B4GALNT2: variants seen among roughly 807,000 people sequenced by gnomAD.
The protein encoded by B4GALNT2 is beta-1,4-N-acetyl-galactosaminyltransferase 2 (SID blood group), also known as N-acetylneuraminylgalactosylglucosyl-glucoside beta-1,4-N- acetylgalactosaminyltransferase 2.
B4GALNT2 carries 42 observed loss-of-function variants against 51.1 expected under a neutral mutation model. The observed-to-expected ratio is 0.82, with a 90% confidence interval of 0.64 to 1.06. B4GALNT2 has a LOEUF of 1.06. Among genes scored for constraint, B4GALNT2 ranks in the 50% least tolerant of loss-of-function variants. B4GALNT2 has a pLI of 0.00. For missense variants in B4GALNT2, 602 were observed against 633.6 expected, an observed-to-expected ratio of 0.95 and a Z score of 0.54; for synonymous variants, 253 against 251.7, an observed-to-expected ratio of 1.01 and a Z score of -0.05.
chr17:49,122,117 T>A, the B4GALNT2 span, among the ~76,000 whole-genome samples: 65 of 152,186 alleles, frequency 4.3e-4, no homozygotes, highest in Non-Finnish European at 8.2e-4. Flanking sequence ...AGGGCTGGCA[T>A]GTCTCTGGTC....
chr17:49,125,939 A>G, the B4GALNT2 span, among the ~76,000 whole-genome samples: 8 of 128,546 alleles, frequency 6.2e-5, no homozygotes, highest in African/African-American at 9.0e-5. Flanking sequence ...CCTCTGCCCG[A>G]CCGCCCCTAC....
At chr17:49,158,856 C>T (rs768035640) in intron 5 of B4GALNT2, among the ~76,000 whole-genome samples, 181 bp from the exon 6 acceptor site, 83 of 151,900 alleles carry the variant, frequency 5.5e-4, no homozygotes, top group African/African-American at 1.7e-3. Context: ...GGATTGGGGG[C>T]GGGGGCGCTA....
rs200883233 is a variant in B4GALNT2, at chr17:49,141,241, C to A, written c.15-6C>A. On this transcript the variant is annotated splice_region_variant and splice_polypyrimidine_tract_variant and intron_variant, in intron 1 of 10. Coordinates refer to ENST00000393354, the MANE Select transcript of B4GALNT2 (RefSeq NM_001159387.2). Reference sequence around the variant, plus strand: ...TAACATAATCTGTTCTTTTGTGTCCCAACAGCTCGAGATTTCTGTGGCTCC... The same window carrying A: ...TAACATAATCTGTTCTTTTGTGTCCAAACAGCTCGAGATTTCTGTGGCTCC... 3.8e-4 allele frequency: 620 copies of A among 1,612,530 alleles called. 2 individuals carry two copies. The highest frequency in any genetic ancestry group is 5.1e-4 in the Non-Finnish European group (598 of 1,178,654).
At chr17:49,168,275 G>A (rs572163782) in intron 9 of B4GALNT2, among the ~76,000 whole-genome samples, 1 of 152,130 alleles carries the variant, frequency 6.6e-6, no homozygotes, top group Admixed American at 6.5e-5. Flanking sequence ...AAGACAGCTC[G>A]AGACAAACAG....
rs1480644517 is a variant in B4GALNT2 at position 49,142,194 on chromosome 17, C to G, written c.353+22C>G. On this transcript the variant is annotated intron_variant, in intron 3 of 10. Transcript: ENST00000393354. Reference sequence around the variant, plus strand: ...GGAGGTAATGCGGGTCATGAAGGCCCTTGGGTTCTGAGATGGAACAAAAGC... The same window carrying G: ...GGAGGTAATGCGGGTCATGAAGGCCGTTGGGTTCTGAGATGGAACAAAAGC... The G allele has an allele frequency of 1.1e-5, 18 of 1,613,556 alleles. No homozygotes were observed. In the Admixed American group the frequency reaches 2.8e-4, roughly 25 times the overall value.
chr17:49,152,566 C>A (rs921706930), intron 3 of B4GALNT2, among the ~76,000 whole-genome samples: 3 of 152,210 alleles, frequency 2.0e-5, no homozygotes, highest in African/African-American at 7.2e-5. Flanking sequence ...ATCCCAGCTA[C>A]TAGGTAGGCT....
intron 4 of B4GALNT2, among the ~76,000 whole-genome samples, chr17:49,153,517 T>A (rs542123083): frequency 1.3e-5 from 2 of 152,016 alleles, no homozygotes; most frequent in South Asian, 4.2e-4. Flanking sequence ...ATTTTTTTTT[T>A]TTTTATTGCG....
At chr17:49,162,932 A>AAG (rs2042878046) in intron 7 of B4GALNT2, among the ~76,000 whole-genome samples, 1 of 151,026 alleles carries the variant, frequency 6.6e-6, no homozygotes, top group African/African-American at 2.4e-5. Flanking sequence ...AAAAAAAAAA[A>AAG]AAAGGGCAAG....
chr17:49,150,072 G>A (rs867224961), intron 3 of B4GALNT2, among the ~76,000 whole-genome samples: 14 of 152,278 alleles, frequency 9.2e-5, no homozygotes, highest in South Asian at 2.1e-4. Context: ...TGGAGGTCGG[G>A]GGGGGTCAGC....
In B4GALNT2 at chr17:49,172,748, G is replaced by A. The variant is rs575698201; in HGVS notation, c.*3020G>A. 1.3e-5 allele frequency: 2 copies of A among 152,096 alleles called. No individual in the cohort carries two copies. Among genetic ancestry groups the A allele is most frequent in the East Asian group, 1.9e-4 (1 of 5,178 alleles). The allele number at this position is 152,096 out of a possible 1,614,324, so 9.4% of individuals were successfully genotyped here. A position where few individuals can be genotyped will look rare whatever the true frequency, so the allele number is the denominator to read the frequency against. On this transcript the variant is annotated 3_prime_UTR_variant, in exon 11 of 11. Coordinates refer to ENST00000393354, the MANE Select transcript of B4GALNT2 (RefSeq NM_001159387.2). ...AATAGAAGCTGGAATGCCCATCACC[G>A]CAAAACACTGCAAAAGGTGACGTTT... is the stretch of plus-strand genomic sequence containing the variant.
chr17:49,142,841 A>AT (rs1459644177), intron 3 of B4GALNT2, among the ~76,000 whole-genome samples: 1 of 152,184 alleles, frequency 6.6e-6, no homozygotes, highest in Non-Finnish European at 1.5e-5. Flanking sequence ...TATTTTATTC[A>AT]TTTATATGTT....
In B4GALNT2 at chr17:49,164,227, G is replaced by A. The variant is rs762920348; in HGVS notation, c.906G>A (p.Leu302=). 12 of 1,613,514 alleles carry A rather than the reference G, an allele frequency of 7.4e-6. No homozygotes were observed. The South Asian group carries it at 1.3e-4, about 18-fold the overall frequency. Residue 302 remains leucine, a synonymous_variant, in exon 8 of 11, where the codon CTG becomes CTA. Coordinates refer to ENST00000393354, the MANE Select transcript of B4GALNT2 (RefSeq NM_001159387.2). ...TGGCTGATGACAGCCAGAAGCCCCT[G>A]GAAATTAAAGACAATCACGTGGAGT... ...VIVADDSQKP[L]EIKDNHVEYY... is the part of the protein sequence containing the mutation.
chr17:49,135,838 C>A (rs1228019493), intron 1 of B4GALNT2, among the ~76,000 whole-genome samples: 1 of 151,292 alleles, frequency 6.6e-6, no homozygotes, highest in Admixed American at 6.6e-5. Context: ...CCGAGGCGGG[C>A]GGATCACGAG....
chr17:49,153,650 G>T (rs979385154), intron 4 of B4GALNT2, among the ~76,000 whole-genome samples: 23 of 151,812 alleles, frequency 1.5e-4, no homozygotes, highest in African/African-American at 5.6e-4. Flanking sequence ...GAGATGACAG[G>T]CATCTGCCAC....
intron 1 of B4GALNT2, among the ~76,000 whole-genome samples, chr17:49,136,609 C>T (rs1323113544): frequency 1.3e-5 from 2 of 151,774 alleles, no homozygotes; most frequent in Admixed American, 6.6e-5. Context: ...CACAGTGGCG[C>T]GATCTCAGCC....
chr17:49,122,069 C>T, the B4GALNT2 span, among the ~76,000 whole-genome samples: 11 of 151,996 alleles, frequency 7.2e-5, no homozygotes, highest in African/African-American at 2.2e-4. Context: ...AAATTTATTG[C>T]GGGTTGGAGT....
At position 49,140,559 on chromosome 17, in the gene B4GALNT2, C is replaced by G. The variant is rs548820284; in HGVS notation, c.15-688C>G. Among the ~76,000 whole-genome samples the G allele has an allele frequency of 4.6e-5, 7 of 152,262 alleles. No homozygotes were observed. The East Asian group carries it at 1.2e-3, about 25-fold the overall frequency. Reference sequence around the variant, plus strand: ...GTATTTCTAATCCTTCTTTCATATCCTGCCATTTTTTACTTTGTATACTTT... The same window carrying G: ...GTATTTCTAATCCTTCTTTCATATCGTGCCATTTTTTACTTTGTATACTTT... On this transcript the variant is annotated intron_variant, in intron 1 of 10. Transcript: ENST00000393354.
chr17:49,147,083 C>T (rs559043120), intron 3 of B4GALNT2, among the ~76,000 whole-genome samples: 11 of 152,274 alleles, frequency 7.2e-5, no homozygotes, highest in Admixed American at 7.2e-4. Context: ...CATCTGTTAT[C>T]CTCCGGAGAA....
chr17:49,128,630 A>G (rs1195422759), upstream of B4GALNT2, among the ~76,000 whole-genome samples: 1 of 152,194 alleles, frequency 6.6e-6, no homozygotes, highest in Non-Finnish European at 1.5e-5. Flanking sequence ...ATTCCTGGTT[A>G]TAAAGTTGTC....
Sources: allele counts gnomAD v4.1 joint callset (sites outside exome capture counted in the v4.1 genomes callset), GRCh38; gene constraint gnomAD v4.1.1; transcripts MANE v1.5; gene names NCBI Gene and HGNC (gene_info 2026-07-23, HGNC 2026-07-21).